The following NKAIN3 variants were observed in gnomAD, a reference collection of about 807,000 sequenced individuals.
NKAIN3 encodes sodium/potassium-transporting ATPase subunit beta-1-interacting protein 3.
A neutral mutation model predicts 30.2 loss-of-function variants in NKAIN3; 25 were observed. The ratio of observed to expected loss-of-function variants is 0.83; its 90% confidence interval spans 0.60 to 1.16. The LOEUF (loss-of-function observed/expected upper bound fraction) is 1.16, where lower values mean the gene tolerates loss of function less well. Ranked by LOEUF, NKAIN3 falls within the 50% of genes most tolerant of loss-of-function variation. The pLI, the probability that NKAIN3 is intolerant of heterozygous loss-of-function variation, is 0.00. For missense variants in NKAIN3, 225 were observed against 254.1 expected (o/e 0.89, Z 0.78); for synonymous variants, 91 against 89.6 (o/e 1.02, Z -0.09).
intron 3 of NKAIN3, among the ~76,000 whole-genome samples, chr8:62,708,329 C>G (rs913728626): frequency 3.3e-5 from 5 of 152,112 alleles, no homozygotes; most frequent in Non-Finnish European, 7.4e-5. Flanking sequence ...TGGCCACTTT[C>G]ACAGCATTGA....
intron 1 of NKAIN3, among the ~76,000 whole-genome samples, chr8:62,322,325 A>C (rs1814956709): frequency 1.3e-5 from 2 of 152,058 alleles, no homozygotes; most frequent in South Asian, 2.1e-4. Flanking sequence ...GGTGCACTGT[A>C]CCCACTGTCC....
intron 4 of NKAIN3, among the ~76,000 whole-genome samples, chr8:62,768,198 T>C (rs1221627255): frequency 3.3e-5 from 5 of 152,172 alleles, no homozygotes; most frequent in African/African-American, 1.2e-4. Flanking sequence ...CTTCCATCTA[T>C]TGGCACTAGT....
At chr8:62,719,846 T>G (rs1347858192) in intron 3 of NKAIN3, among the ~76,000 whole-genome samples, 1 of 139,956 alleles carries the variant, frequency 7.1e-6, no homozygotes, top group East Asian at 2.4e-4. Context: ...AAGCTCCGCC[T>G]CCCAGGTTCA....
At chr8:62,601,349 T>A (rs1162876783) in intron 3 of NKAIN3, among the ~76,000 whole-genome samples, 1 of 151,990 alleles carries the variant, frequency 6.6e-6, no homozygotes, top group African/African-American at 2.4e-5. Flanking sequence ...GTACAGAATA[T>A]CTATATTCAG....
At chr8:62,628,961 T>C (rs1586026568) in intron 3 of NKAIN3, among the ~76,000 whole-genome samples, 1 of 152,200 alleles carries the variant, frequency 6.6e-6, no homozygotes, top group East Asian at 1.9e-4. Context: ...TGAATGAATA[T>C]TGAATATGTA....
chr8:62,801,876 A>G (rs954167947), intron 4 of NKAIN3, among the ~76,000 whole-genome samples: 7 of 152,196 alleles, frequency 4.6e-5, no homozygotes, highest in African/African-American at 7.2e-5. Flanking sequence ...TTTGAAAAAA[A>G]TTTAGACGAA....
intron 1 of NKAIN3, among the ~76,000 whole-genome samples, chr8:62,422,580 C>T (rs1439414352): frequency 6.6e-6 from 1 of 152,114 alleles, no homozygotes; most frequent in Non-Finnish European, 1.5e-5. Flanking sequence ...GTCCCATCAT[C>T]TCCATCTGGC....
At chr8:62,345,530 T>TAC (rs758181917) in intron 1 of NKAIN3, among the ~76,000 whole-genome samples, 34 of 113,326 alleles carry the variant, frequency 3.0e-4, no homozygotes, top group Non-Finnish European at 4.5e-4. Context: ...TATGTATATA[T>TAC]ACACACATAT....
At chr8:62,409,588 A>C (rs1804176840) in intron 1 of NKAIN3, among the ~76,000 whole-genome samples, 1 of 152,066 alleles carries the variant, frequency 6.6e-6, no homozygotes, top group Non-Finnish European at 1.5e-5. Context: ...TTATACTTAG[A>C]AAGTTTTTCC....
chr8:62,431,873 A>G (rs1407792152), intron 1 of NKAIN3, among the ~76,000 whole-genome samples: 1 of 148,024 alleles, frequency 6.8e-6, no homozygotes, highest in Non-Finnish European at 1.5e-5. Context: ...GGAAAAAAAA[A>G]AAAAAAAGCT....
chr8:62,573,251 C>A (rs947111802), intron 1 of NKAIN3, among the ~76,000 whole-genome samples: 1 of 152,126 alleles, frequency 6.6e-6, no homozygotes, highest in Non-Finnish European at 1.5e-5. Context: ...AAGTTTTTTA[C>A]AATTTGATTC....
downstream of NKAIN3, among the ~76,000 whole-genome samples, chr8:62,988,617 C>T (rs1407611958): frequency 6.6e-6 from 1 of 152,234 alleles, no homozygotes; most frequent in East Asian, 1.9e-4. Context: ...AGGCAGGGCA[C>T]CAAGTCCCTT....
At chr8:62,564,786 G>A (rs1164271312) in intron 1 of NKAIN3, among the ~76,000 whole-genome samples, 1 of 152,092 alleles carries the variant, frequency 6.6e-6, no homozygotes, top group Non-Finnish European at 1.5e-5. Context: ...TACCTATTGT[G>A]GGTGGACACA....
At chr8:62,267,879 A>T (rs1396611167) in intron 1 of NKAIN3, among the ~76,000 whole-genome samples, 2 of 152,222 alleles carry the variant, frequency 1.3e-5, no homozygotes, top group Non-Finnish European at 2.9e-5. Context: ...AGAAACATTT[A>T]TAGCAACTTT....
intron 4 of NKAIN3, among the ~76,000 whole-genome samples, chr8:62,798,411 A>T (rs544223891): frequency 6.6e-6 from 1 of 152,182 alleles, no homozygotes; most frequent in South Asian, 2.1e-4. Flanking sequence ...CTCTACTGAA[A>T]ATACAAAAAA....
intron 1 of NKAIN3, among the ~76,000 whole-genome samples, chr8:62,491,658 T>A (rs1194193401): frequency 6.6e-6 from 1 of 152,140 alleles, no homozygotes; most frequent in East Asian, 1.9e-4. Context: ...GAAAAGAAGG[T>A]GTCCTGCTGT....
At chr8:62,406,165 G>A (rs1428893090) in intron 1 of NKAIN3, among the ~76,000 whole-genome samples, 3 of 152,158 alleles carry the variant, frequency 2.0e-5, no homozygotes, top group Non-Finnish European at 2.9e-5. Context: ...TGCCTAACAC[G>A]TGGCTGAGTA....
intron 5 of NKAIN3, among the ~76,000 whole-genome samples, chr8:62,993,036 G>GGTTTT (rs1003980580): frequency 9.6e-5 from 14 of 146,080 alleles, no homozygotes; most frequent in African/African-American, 3.5e-4. Flanking sequence ...GGATCCTGAA[G>GGTTTT]GTTTTGTTTT....
intron 3 of NKAIN3, among the ~76,000 whole-genome samples, chr8:62,697,545 C>T (rs1265620500): frequency 6.6e-6 from 1 of 152,174 alleles, no homozygotes; most frequent in African/African-American, 2.4e-5. Context: ...GTTACTTTCT[C>T]ACATTCTTCA....
Sources: allele counts gnomAD v4.1 joint callset (sites outside exome capture counted in the v4.1 genomes callset), GRCh38; gene constraint gnomAD v4.1.1; transcripts MANE v1.5; gene names NCBI Gene and HGNC (gene_info 2026-07-23, HGNC 2026-07-21).